Variants in MAGI3 observed in about 807,000 individuals in gnomAD.
MAGI3 encodes membrane-associated guanylate kinase, WW and PDZ domain-containing protein 3.
MAGI3 carries 43 observed loss-of-function variants against 121.8 expected under a neutral mutation model. The observed-to-expected ratio is 0.35, with a 90% CI of 0.28 to 0.46. MAGI3 has a LOEUF of 0.46. MAGI3 is among the 20% of genes least tolerant of loss of function. The pLI is 1.00. For synonymous variants in MAGI3, 553 were observed against 639.3 expected (o/e 0.86, Z 2.04); for missense variants, 1,547 against 1,797.3 (o/e 0.86, Z 2.52).
intron 4 of MAGI3, among the ~76,000 whole-genome samples, chr1:113,588,892 C>A (rs1469336974): frequency 2.6e-5 from 4 of 152,030 alleles, no homozygotes; most frequent in Non-Finnish European, 1.5e-5. Context: ...GGTTGGCTGC[C>A]AAGGGGTAAA....
At chr1:113,596,155 T>C (rs1424579652) in intron 6 of MAGI3, among the ~76,000 whole-genome samples, 1 of 151,594 alleles carries the variant, frequency 6.6e-6, no homozygotes, top group African/African-American at 2.4e-5. Flanking sequence ...TGAAGACTTA[T>C]TTTAGAGCTA....
At chr1:113,558,455 C>T (rs967068755) in intron 2 of MAGI3, among the ~76,000 whole-genome samples, 9 of 151,732 alleles carry the variant, frequency 5.9e-5, no homozygotes, top group African/African-American at 2.2e-4. Context: ...GGGAAAAGAA[C>T]CTAAGAGCTG....
intron 3 of MAGI3, among the ~76,000 whole-genome samples, chr1:113,585,088 C>G (rs959094297): frequency 3.6e-4 from 54 of 149,436 alleles, no homozygotes; most frequent in Middle Eastern, 3.5e-3. Context: ...CTGCCTCAGT[C>G]TCCCGAGTAA....
rs945748952 is a variant in MAGI3, at chr1:113,682,651, T to C, written c.3329-246T>C. 3.1e-6 allele frequency: 3 copies of C among 975,206 alleles called. No homozygotes were observed. In the African/African-American group the frequency reaches 5.3e-5, roughly 17 times the overall value. The allele number at this position is 975,206 out of a possible 1,614,324, so 60.4% of individuals were successfully genotyped here. On this transcript the variant is annotated intron_variant, in intron 20 of 20. Coordinates refer to ENST00000307546, the MANE Select transcript of MAGI3 (RefSeq NM_001142782.2). ...TACAGATCATATATTATCTCACTAATTATATGTAATTGGAAAAAATGAATA... is the reference window on the plus strand; with the variant it reads ...TACAGATCATATATTATCTCACTAACTATATGTAATTGGAAAAAATGAATA...
At chr1:113,625,798 C>T (rs1181845492) in intron 9 of MAGI3, among the ~76,000 whole-genome samples, 1 of 152,088 alleles carries the variant, frequency 6.6e-6, no homozygotes, top group Non-Finnish European at 1.5e-5. Context: ...TTCAGTTTTT[C>T]CCTCATTCAG....
intron 2 of MAGI3, among the ~76,000 whole-genome samples, chr1:113,566,232 C>G (rs553192090): frequency 1.3e-5 from 2 of 152,086 alleles, no homozygotes; most frequent in Non-Finnish European, 2.9e-5. Context: ...TAATTTCACT[C>G]CTAGGTATTA....
chr1:113,407,186 ATTGT>A (rs778048650), intron 1 of MAGI3, among the ~76,000 whole-genome samples: 3 of 152,144 alleles, frequency 2.0e-5, no homozygotes, highest in Admixed American at 6.6e-5. Flanking sequence ...TCAAAAAGTC[ATTGT>A]TTGTGATGTG....
intron 12 of MAGI3, 104 bp downstream of exon 12, chr1:113,646,746 T>C: frequency 4.6e-6 from 4 of 865,932 alleles, no homozygotes; most frequent in Non-Finnish European, 6.7e-6. Context: ...GAAAAGTTAT[T>C]CCTTCATTAC....
Position 113,673,351 on chromosome 1 carries a change from G to C in MAGI3, c.3075G>C (p.Glu1025Asp). 2 of 1,611,748 alleles carry C rather than the reference G, an allele frequency of 1.2e-6. No homozygotes were observed. The highest frequency in any genetic ancestry group is 1.7e-6 in the Non-Finnish European group (2 of 1,179,632). Residue 1025 changes from glutamate to aspartate, a missense_variant, in exon 19 of 21, where the codon GAG becomes GAC. Glu to Asp is a conservative substitution (Grantham distance 45, BLOSUM62 2). Coordinates refer to ENST00000307546, the MANE Select transcript of MAGI3 (RefSeq NM_001142782.2). Reference protein sequence around the residue: ...QNLGCYPVELERGPRGFGFSL... With the variant: ...QNLGCYPVELDRGPRGFGFSL... ...TTGGTTGTTATCCAGTAGAGCTGGAGAGAGGCCCCCGGGGCTTTGGATTCA... is the reference window on the plus strand; with the variant it reads ...TTGGTTGTTATCCAGTAGAGCTGGACAGAGGCCCCCGGGGCTTTGGATTCA...
chr1:113,505,884 G>C (rs1036676398), intron 1 of MAGI3, among the ~76,000 whole-genome samples: 1 of 152,132 alleles, frequency 6.6e-6, no homozygotes, highest in Non-Finnish European at 1.5e-5. Context: ...AAGGTAGGTA[G>C]GGCCTGATCT....
At chr1:113,533,028 A>G (rs866242428) in intron 1 of MAGI3, among the ~76,000 whole-genome samples, 2 of 152,144 alleles carry the variant, frequency 1.3e-5, no homozygotes, top group East Asian at 1.9e-4. Flanking sequence ...CCCTGTATCT[A>G]TTGGTCTCGT....
intron 2 of MAGI3, among the ~76,000 whole-genome samples, chr1:113,553,089 G>A (rs1329562419): frequency 6.6e-6 from 1 of 152,140 alleles, no homozygotes; most frequent in Non-Finnish European, 1.5e-5. Context: ...GAAAAAAGAG[G>A]GCACTTCTAT....
At chr1:113,458,869 T>C (rs1654895790) in intron 1 of MAGI3, among the ~76,000 whole-genome samples, 1 of 152,162 alleles carries the variant, frequency 6.6e-6, no homozygotes, top group African/African-American at 2.4e-5. Context: ...TAAGTTATTT[T>C]ATAAATAATT....
At chr1:113,487,981 G>A (rs551183208) in intron 1 of MAGI3, among the ~76,000 whole-genome samples, 1 of 152,122 alleles carries the variant, frequency 6.6e-6, no homozygotes, top group African/African-American at 2.4e-5. Context: ...TGTAGAAATG[G>A]TAAAGTTATG....
At chr1:113,487,952 C>T (rs1656469558) in intron 1 of MAGI3, among the ~76,000 whole-genome samples, 3 of 151,942 alleles carry the variant, frequency 2.0e-5, no homozygotes. Context: ...ATAATTAATT[C>T]TTTGTAGGAA....
intron 1 of MAGI3, among the ~76,000 whole-genome samples, chr1:113,547,339 T>C (rs1177477872): frequency 4.6e-5 from 7 of 152,062 alleles, no homozygotes; most frequent in African/African-American, 1.7e-4. Flanking sequence ...AAGTATTGAG[T>C]CAGATTGTCT....
chr1:113,521,396 G>GTT (rs1374805585), intron 1 of MAGI3, among the ~76,000 whole-genome samples: 10 of 134,918 alleles, frequency 7.4e-5, no homozygotes, highest in Non-Finnish European at 7.9e-5. Context: ...AGTTAGTGCT[G>GTT]TTTTTTTTTG....
chr1:113,505,720 A>G (rs1657295445), intron 1 of MAGI3, among the ~76,000 whole-genome samples: 1 of 152,138 alleles, frequency 6.6e-6, no homozygotes, highest in Non-Finnish European at 1.5e-5. Context: ...GAGCTGAATG[A>G]AATGAAGAAC....
At chr1:113,618,920 A>G (rs552146386) in intron 7 of MAGI3, among the ~76,000 whole-genome samples, 2 of 152,226 alleles carry the variant, frequency 1.3e-5, no homozygotes, top group Non-Finnish European at 2.9e-5. Flanking sequence ...GGTCCTAAAC[A>G]TCTTTTTTAC....
Sources: gnomAD v4.1 joint callset for allele counts (sites outside exome capture counted in the v4.1 genomes callset) on GRCh38, gnomAD v4.1.1 for gene constraint, MANE v1.5 for transcripts, NCBI Gene and HGNC (gene_info 2026-07-23, HGNC 2026-07-21) for gene names.